Variants in EPB41L4B observed in about 807,000 individuals in gnomAD.
EPB41L4B encodes band 4.1-like protein 4B.
Under a neutral mutation model 112.5 loss-of-function variants are expected in EPB41L4B, and 30 were observed. The observed-to-expected ratio is 0.27, with a 90% CI of 0.20 to 0.36. EPB41L4B has a LOEUF of 0.36. EPB41L4B is among the 10% of genes least tolerant of loss of function. The pLI is 1.00. For missense variants in EPB41L4B, 1,024 were observed against 1,133.3 expected (o/e 0.90, Z 1.38); for synonymous variants, 408 against 439.7 (o/e 0.93, Z 0.90).
At chr9:109,319,399 C>T (rs1011144615) in intron 1 of EPB41L4B, among the ~76,000 whole-genome samples, 8 of 152,146 alleles carry the variant, frequency 5.3e-5, no homozygotes, top group African/African-American at 1.9e-4. Context: ...GCGCGCCTGG[C>T]CCCCCGGGCA....
At chr9:109,191,643 A>T (rs1241729907) in intron 22 of EPB41L4B, among the ~76,000 whole-genome samples, 1 of 152,200 alleles carries the variant, frequency 6.6e-6, no homozygotes, top group Admixed American at 6.5e-5. Context: ...ATAAGTAATT[A>T]AATCTACAAG....
At chr9:109,210,201 T>A (rs1484195667) in intron 17 of EPB41L4B, among the ~76,000 whole-genome samples, 69 of 152,210 alleles carry the variant, frequency 4.5e-4, no homozygotes, top group Admixed American at 4.5e-3. Flanking sequence ...GGATTCATTA[T>A]CCTGAGGGCC....
chr9:109,240,706 C>T (rs374020444), intron 15 of EPB41L4B: 1 of 985,294 alleles, frequency 1.0e-6, no homozygotes, highest in African/African-American at 1.7e-5. Context: ...GGCACAACTT[C>T]AAGAAAACCT....
intron 17 of EPB41L4B, among the ~76,000 whole-genome samples, chr9:109,209,800 C>G (rs1232639982): frequency 3.3e-5 from 5 of 152,204 alleles, no homozygotes; most frequent in African/African-American, 1.2e-4. Context: ...AAGATAACTA[C>G]TATCATTATC....
At chr9:109,184,975 G>C (rs1308918070) in intron 23 of EPB41L4B, among the ~76,000 whole-genome samples, 1 of 152,202 alleles carries the variant, frequency 6.6e-6, no homozygotes, top group Non-Finnish European at 1.5e-5. Flanking sequence ...TGGTTACTAT[G>C]ATTTAACTAT....
At chr9:109,180,065 T>C (rs945598705) in intron 24 of EPB41L4B, among the ~76,000 whole-genome samples, 6 of 152,182 alleles carry the variant, frequency 3.9e-5, no homozygotes, top group African/African-American at 9.7e-5. Context: ...CCTCCAGTTT[T>C]ATCACCACCT....
intron 25 of EPB41L4B, among the ~76,000 whole-genome samples, chr9:109,174,917 T>C (rs1047936352): frequency 3.6e-5 from 5 of 140,216 alleles, no homozygotes; most frequent in African/African-American, 1.3e-4. Context: ...AAAGTGTTTT[T>C]TTTTTTTTTT....
At chr9:109,313,443 C>A (rs956619817) in intron 1 of EPB41L4B, among the ~76,000 whole-genome samples, 2 of 152,188 alleles carry the variant, frequency 1.3e-5, no homozygotes, top group South Asian at 2.1e-4. Context: ...GGGGGGCACA[C>A]CAGGATGCTG....
At position 109,255,660 on chromosome 9, in the gene EPB41L4B, C is replaced by T. The variant is rs1480663224; in HGVS notation, c.1020G>A (p.Thr340=). The T allele has an allele frequency of 3.7e-6, 6 of 1,613,112 alleles. No homozygotes were observed. The highest frequency in any genetic ancestry group is 1.7e-5 in the Admixed American group (1 of 60,000). Residue 340 remains threonine, a synonymous_variant, in exon 11 of 26, where the codon ACG becomes ACA. Transcript: ENST00000374566. ...TGGCACTGTCTAACCGGAACACAAACGTGTGCTCTTGCTCACGTCCCTTAA... is the reference window on the plus strand; with the variant it reads ...TGGCACTGTCTAACCGGAACACAAATGTGTGCTCTTGCTCACGTCCCTTAA... ...DDDQGREQEH[T]FVFRLDSART...
At chr9:109,222,364 G>C (rs570278976) in intron 15 of EPB41L4B, among the ~76,000 whole-genome samples, 1 of 152,198 alleles carries the variant, frequency 6.6e-6, no homozygotes, top group Non-Finnish European at 1.5e-5. Context: ...ACGCCTGGGG[G>C]ATCATCCTGA....
At chr9:109,294,515 G>A (rs1375489143) in intron 1 of EPB41L4B, among the ~76,000 whole-genome samples, 1 of 151,984 alleles carries the variant, frequency 6.6e-6, no homozygotes, top group Non-Finnish European at 1.5e-5. Flanking sequence ...TCAGGAGGCT[G>A]AGGTAGGAGG....
intron 6 of EPB41L4B, among the ~76,000 whole-genome samples, chr9:109,258,625 A>G (rs2119038420): frequency 6.6e-6 from 1 of 152,346 alleles, no homozygotes; most frequent in East Asian, 1.9e-4. Context: ...AATAAAAGGC[A>G]ATTGCAGGGA....
At chr9:109,299,142 C>A (rs1010390102) in intron 1 of EPB41L4B, among the ~76,000 whole-genome samples, 2 of 152,232 alleles carry the variant, frequency 1.3e-5, no homozygotes, top group South Asian at 2.1e-4. Context: ...GTCTAGCCAA[C>A]TGCCACTCCA....
chr9:109,288,212 G>A (rs1588212164), intron 1 of EPB41L4B, among the ~76,000 whole-genome samples: 1 of 152,204 alleles, frequency 6.6e-6, no homozygotes, highest in African/African-American at 2.4e-5. Flanking sequence ...GCAACAGGGT[G>A]CCATCCACAA....
chr9:109,199,275 G>T (rs982600098), intron 20 of EPB41L4B, among the ~76,000 whole-genome samples: 2 of 152,154 alleles, frequency 1.3e-5, no homozygotes, highest in African/African-American at 2.4e-5. Context: ...TCTGATGTGG[G>T]TTGCAATGAT....
chr9:109,219,332 T>C (rs1391076935), intron 15 of EPB41L4B, among the ~76,000 whole-genome samples: 1 of 152,238 alleles, frequency 6.6e-6, no homozygotes, highest in Non-Finnish European at 1.5e-5. Context: ...TTGTGCCTTT[T>C]TGTGCCACAA....
At chr9:109,203,755 G>C in intron 18 of EPB41L4B, 25 bp from the exon 19 acceptor site, 1 of 1,588,538 alleles carries the variant, frequency 6.3e-7, no homozygotes, top group Non-Finnish European at 8.6e-7. Context: ...ATTCAGGTTA[G>C]TCAAAACTGA....
At chr9:109,272,588 G>T (rs536634027) in intron 2 of EPB41L4B, among the ~76,000 whole-genome samples, 1 of 152,076 alleles carries the variant, frequency 6.6e-6, no homozygotes, top group Non-Finnish European at 1.5e-5. Flanking sequence ...TCCCATCTCT[G>T]TTAAAAATAC....
At chr9:109,212,883 C>T (rs1833233084) in intron 17 of EPB41L4B, among the ~76,000 whole-genome samples, 1 of 152,144 alleles carries the variant, frequency 6.6e-6, no homozygotes, top group South Asian at 2.1e-4. Flanking sequence ...AAACATTTTA[C>T]AATGCACAGG....
Sources: gnomAD v4.1 joint callset for allele counts (sites outside exome capture counted in the v4.1 genomes callset) on GRCh38, gnomAD v4.1.1 for gene constraint, MANE v1.5 for transcripts, NCBI Gene and HGNC (gene_info 2026-07-23, HGNC 2026-07-21) for gene names.